The following SMOC2 variants were observed in gnomAD, a reference collection of about 807,000 sequenced individuals.
The protein encoded by SMOC2 is SPARC related modular calcium binding 2, also known as SPARC-related modular calcium-binding protein 2.
SMOC2 carries 39 observed loss-of-function variants against 61.4 expected under a neutral mutation model. That is an observed-to-expected ratio of 0.64 (90% CI 0.49 to 0.83). The LOEUF is 0.83. Among genes scored for constraint, SMOC2 ranks in the 40% least tolerant of loss-of-function variants. The pLI, the probability that SMOC2 is intolerant of heterozygous loss-of-function variation, is 0.00. For missense variants in SMOC2, 556 were observed against 592.9 expected, an observed-to-expected ratio of 0.94 and a Z score of 0.65; for synonymous variants, 247 against 239.9, an observed-to-expected ratio of 1.03 and a Z score of -0.27.
At chr6:168,610,793 G>C (rs1785838167) in intron 9 of SMOC2, among the ~76,000 whole-genome samples, 1 of 152,190 alleles carries the variant, frequency 6.6e-6, no homozygotes, top group Non-Finnish European at 1.5e-5. Context: ...ATCTAGGTCT[G>C]GCTTAAGGGG....
At position 168,453,536 on chromosome 6, in the gene SMOC2, G is replaced by C. The variant is rs907587605; in HGVS notation, c.84+12082G>C. On this transcript the variant is annotated intron_variant, in intron 1 of 12. Coordinates refer to ENST00000356284, the MANE Select transcript of SMOC2 (RefSeq NM_001166412.2). The surrounding 1 kb of genome is among the most constrained non-coding windows in gnomAD (Gnocchi z 4.4). ...TCTCTCTGTCTCTCTCTGTCTCTTTGTCTCTCTCTGTACCTGTCTCTCTGA... is the reference window on the plus strand; with the variant it reads ...TCTCTCTGTCTCTCTCTGTCTCTTTCTCTCTCTCTGTACCTGTCTCTCTGA... Among the ~76,000 whole-genome samples the C allele has an allele frequency of 6.6e-6, 1 of 150,672 alleles. No individual in the cohort carries two copies.
At chr6:168,637,611 A>G (rs57607265) in intron 9 of SMOC2, among the ~76,000 whole-genome samples, 23,755 of 152,192 alleles carry the variant, frequency 0.16, 2,149 homozygotes, top group Middle Eastern at 0.31. Context: ...TTTGCGAGGA[A>G]CATTTCTGTT....
At chr6:168,606,685 A>C (rs528220251) in intron 8 of SMOC2, among the ~76,000 whole-genome samples, 4 of 152,222 alleles carry the variant, frequency 2.6e-5, no homozygotes, top group Non-Finnish European at 5.9e-5. Context: ...AAAAAAGAAA[A>C]TAGGGCAGAG....
At chr6:168,648,089 GTGTCCCTAT>G (rs1207740922) in intron 9 of SMOC2, among the ~76,000 whole-genome samples, 1 of 152,160 alleles carries the variant, frequency 6.6e-6, no homozygotes, top group Non-Finnish European at 1.5e-5. Context: ...CCCCCTGGGT[GTGTCCCTAT>G]TACCACACCA....
intron 9 of SMOC2, among the ~76,000 whole-genome samples, chr6:168,649,910 G>C (rs976402632): frequency 6.6e-6 from 1 of 152,194 alleles, no homozygotes; most frequent in Non-Finnish European, 1.5e-5. Flanking sequence ...CAGGAGAAAA[G>C]ACCCCAGAGA....
chr6:168,513,904 A>G (rs950005359), intron 2 of SMOC2, among the ~76,000 whole-genome samples: 11 of 152,180 alleles, frequency 7.2e-5, no homozygotes, highest in African/African-American at 1.2e-4. Context: ...GAGATTTTCA[A>G]TAGGATCCCA....
intron 4 of SMOC2, among the ~76,000 whole-genome samples, chr6:168,539,898 T>C (rs1303626673): frequency 6.6e-6 from 1 of 152,176 alleles, no homozygotes; most frequent in Admixed American, 6.5e-5. Flanking sequence ...CTCTGCCGCT[T>C]CCTAAGTGGC....
intron 1 of SMOC2, among the ~76,000 whole-genome samples, chr6:168,493,633 A>C (rs1250785171): frequency 6.6e-6 from 1 of 152,224 alleles, no homozygotes; most frequent in Non-Finnish European, 1.5e-5. Flanking sequence ...ATAGTATTGC[A>C]ACTTAAAATT....
chr6:168,456,791 G>A (rs1261152095), intron 1 of SMOC2, among the ~76,000 whole-genome samples: 3 of 152,160 alleles, frequency 2.0e-5, no homozygotes, highest in Admixed American at 6.5e-5. Flanking sequence ...TGGATGCATC[G>A]TTTTTGGTGG....
chr6:168,575,540 G>A (rs1008382481), intron 7 of SMOC2, among the ~76,000 whole-genome samples: 4 of 152,284 alleles, frequency 2.6e-5, no homozygotes, highest in South Asian at 4.1e-4. Context: ...TGCAGAAGAC[G>A]GGGAGCTCCT....
intron 7 of SMOC2, among the ~76,000 whole-genome samples, chr6:168,564,266 T>C (rs1321844972): frequency 6.6e-6 from 1 of 152,140 alleles, no homozygotes; most frequent in Non-Finnish European, 1.5e-5. Context: ...CCTTTCACTC[T>C]CTTGGTGGGG....
chr6:168,649,154 T>A (rs924859573), intron 9 of SMOC2, among the ~76,000 whole-genome samples: 5 of 152,176 alleles, frequency 3.3e-5, no homozygotes, highest in African/African-American at 7.2e-5. Context: ...CCGTCCTCAG[T>A]CCCACTCGGC....
intron 8 of SMOC2, among the ~76,000 whole-genome samples, chr6:168,604,458 T>C (rs993091212): frequency 6.6e-6 from 1 of 152,178 alleles, no homozygotes; most frequent in African/African-American, 2.4e-5. Context: ...TCACCATTCC[T>C]CATCTCCCAG....
chr6:168,492,546 G>T (rs1402254076), intron 1 of SMOC2, among the ~76,000 whole-genome samples: 1 of 152,234 alleles, frequency 6.6e-6, no homozygotes, highest in East Asian at 1.9e-4. Context: ...GGGTGAAAAA[G>T]TGTGGCAGAA....
intron 1 of SMOC2, among the ~76,000 whole-genome samples, chr6:168,505,678 G>C (rs570101008): frequency 7.2e-5 from 11 of 152,218 alleles, no homozygotes; most frequent in Non-Finnish European, 1.2e-4. Flanking sequence ...TTTGTATTGC[G>C]GGCTCTGAAA....
At chr6:168,510,203 T>C in intron 2 of SMOC2, 117 bp downstream of exon 2, 1 of 1,010,168 alleles carries the variant, frequency 9.9e-7, no homozygotes. Flanking sequence ...TTATGTTGGC[T>C]CTTTTTTTAC....
chr6:168,485,989 A>G (rs1305084682), intron 1 of SMOC2, among the ~76,000 whole-genome samples: 1 of 152,160 alleles, frequency 6.6e-6, no homozygotes, highest in East Asian at 1.9e-4. Flanking sequence ...AAATGGTGAG[A>G]AATAGGGGCA....
At chr6:168,518,483 ATATG>A (rs1783208027) in intron 2 of SMOC2, among the ~76,000 whole-genome samples, 1 of 113,600 alleles carries the variant, frequency 8.8e-6, no homozygotes, top group Non-Finnish European at 2.0e-5. Flanking sequence ...GTGAGTGTAC[ATATG>A]TGAGTGTGCA....
intron 11 of SMOC2, among the ~76,000 whole-genome samples, chr6:168,657,425 T>C (rs1413316426): frequency 6.6e-6 from 1 of 152,232 alleles, no homozygotes; most frequent in Non-Finnish European, 1.5e-5. Flanking sequence ...AGCATACACC[T>C]GCAACCCTCC....
Sources: allele counts gnomAD v4.1 joint callset (sites outside exome capture counted in the v4.1 genomes callset), GRCh38; gene constraint gnomAD v4.1.1; non-coding constraint Gnocchi (gnomAD v3.1); transcripts MANE v1.5; gene names NCBI Gene and HGNC (gene_info 2026-07-23, HGNC 2026-07-21).